The following BICC1 variants were observed in gnomAD, a reference collection of about 807,000 sequenced individuals.
The protein encoded by BICC1 is BicC family RNA binding protein 1.
BICC1 carries 43 observed loss-of-function variants against 111.0 expected under a neutral mutation model. The ratio of observed to expected loss-of-function variants is 0.39; its 90% CI spans 0.30 to 0.50. The LOEUF is 0.50. Ranked by LOEUF, BICC1 falls within the 20% of genes least tolerant of loss-of-function variation. The pLI is 0.88. For missense variants in BICC1, 1,091 were observed against 1,203.2 expected, an observed-to-expected ratio of 0.91 and a Z score of 1.38; for synonymous variants, 467 against 434.4, an observed-to-expected ratio of 1.07 and a Z score of -0.93.
intron 3 of BICC1, among the ~76,000 whole-genome samples, chr10:58,705,314 G>A (rs1254748305): frequency 1.3e-5 from 2 of 152,202 alleles, no homozygotes; most frequent in African/African-American, 4.8e-5. Context: ...CTGAGAAACA[G>A]CAGAGTCCTT....
chr10:58,682,050 A>G (rs1238838624), intron 2 of BICC1, among the ~76,000 whole-genome samples: 17 of 112,200 alleles, frequency 1.5e-4, no homozygotes, highest in Non-Finnish European at 2.5e-4. Flanking sequence ...CTGGTGTGTG[A>G]TGTTCCTCAC....
intron 3 of BICC1, among the ~76,000 whole-genome samples, chr10:58,718,226 G>A (rs1467369024): frequency 6.6e-6 from 1 of 152,162 alleles, no homozygotes; most frequent in Non-Finnish European, 1.5e-5. Flanking sequence ...AGATCAAGGT[G>A]CTGGCAGATT....
chr10:58,827,403 G>C (rs1178069005), intron 20 of BICC1, among the ~76,000 whole-genome samples: 1 of 152,140 alleles, frequency 6.6e-6, no homozygotes, highest in East Asian at 1.9e-4. Context: ...TTACCATAGA[G>C]CCAGTCAAGA....
At chr10:58,601,105 G>T (rs1845009212) in intron 1 of BICC1, among the ~76,000 whole-genome samples, 1 of 134,596 alleles carries the variant, frequency 7.4e-6, no homozygotes, top group Non-Finnish European at 1.6e-5. Flanking sequence ...GGGTATTTAT[G>T]TGTGTACATA....
intron 1 of BICC1, among the ~76,000 whole-genome samples, chr10:58,565,246 A>G (rs1489186921): frequency 2.0e-5 from 3 of 152,250 alleles, no homozygotes; most frequent in Admixed American, 2.0e-4. Flanking sequence ...TAGCCATTAC[A>G]TAATTATTTT....
intron 1 of BICC1, among the ~76,000 whole-genome samples, chr10:58,555,710 C>G (rs1843431875): frequency 6.6e-6 from 1 of 152,064 alleles, no homozygotes; most frequent in Admixed American, 6.6e-5. Flanking sequence ...GATGGCCAAG[C>G]AGGCTTGACT....
At chr10:58,739,467 T>C (rs535259535) in intron 3 of BICC1, among the ~76,000 whole-genome samples, 1 of 152,352 alleles carries the variant, frequency 6.6e-6, no homozygotes, top group South Asian at 2.1e-4. Context: ...TTTGATGTGC[T>C]GCTGTATTCG....
At chr10:58,679,335 TA>T (rs1486720766) in intron 2 of BICC1, among the ~76,000 whole-genome samples, 2 of 151,726 alleles carry the variant, frequency 1.3e-5, no homozygotes, top group African/African-American at 2.4e-5. Flanking sequence ...TAGACAAAAT[TA>T]AAAAAGATAA....
chr10:58,539,473 T>C (rs1842904706), intron 1 of BICC1, among the ~76,000 whole-genome samples: 1 of 151,576 alleles, frequency 6.6e-6, no homozygotes, highest in African/African-American at 2.4e-5. Context: ...AATTCTAGAC[T>C]TCTCCATGGT....
At chr10:58,709,169 A>T (rs1198281618) in intron 3 of BICC1, among the ~76,000 whole-genome samples, 1 of 152,122 alleles carries the variant, frequency 6.6e-6, no homozygotes. Context: ...TCCAATCTAG[A>T]TCTTACCTTT....
chr10:58,570,834 T>C (rs1366575635), intron 1 of BICC1, among the ~76,000 whole-genome samples: 1 of 152,186 alleles, frequency 6.6e-6, no homozygotes, highest in Admixed American at 6.5e-5. Context: ...AATTTAGCAT[T>C]GACACAGCCT....
At chr10:58,558,703 T>C (rs1843523801) in intron 1 of BICC1, among the ~76,000 whole-genome samples, 1 of 152,110 alleles carries the variant, frequency 6.6e-6, no homozygotes, top group Non-Finnish European at 1.5e-5. Context: ...AAAAATTCCC[T>C]AGATTGGGCA....
chr10:58,515,370 C>G (rs183187073), intron 1 of BICC1, among the ~76,000 whole-genome samples: 11 of 152,220 alleles, frequency 7.2e-5, no homozygotes, highest in Admixed American at 2.6e-4. Flanking sequence ...GGTTGTGTAG[C>G]CTGCTACACC....
At chr10:58,556,110 T>G (rs2131932860) in intron 1 of BICC1, among the ~76,000 whole-genome samples, 1 of 152,256 alleles carries the variant, frequency 6.6e-6, no homozygotes, top group South Asian at 2.1e-4. Flanking sequence ...AATTATTAAC[T>G]TAGGGTGATT....
intron 2 of BICC1, among the ~76,000 whole-genome samples, chr10:58,691,071 A>G (rs1839894099): frequency 6.6e-6 from 1 of 152,240 alleles, no homozygotes; most frequent in South Asian, 2.1e-4. Flanking sequence ...TATATCCAAG[A>G]GACCATCACC....
intron 2 of BICC1, among the ~76,000 whole-genome samples, chr10:58,675,728 T>A (rs1839318004): frequency 6.6e-6 from 1 of 152,230 alleles, no homozygotes; most frequent in Non-Finnish European, 1.5e-5. Context: ...ATTGTGATAA[T>A]CATTACAGAA....
At chr10:58,669,936 A>G (rs901228757) in intron 2 of BICC1, among the ~76,000 whole-genome samples, 7 of 152,164 alleles carry the variant, frequency 4.6e-5, no homozygotes, top group Admixed American at 1.3e-4. Context: ...ACATTCATGA[A>G]TTCTTAATAA....
intron 3 of BICC1, among the ~76,000 whole-genome samples, chr10:58,753,527 A>G (rs1260624385): frequency 6.6e-6 from 1 of 152,072 alleles, no homozygotes; most frequent in Non-Finnish European, 1.5e-5. Flanking sequence ...GTATATGATG[A>G]GAGGGATCCA....
chr10:58,684,242 A>G (rs1269007596), intron 2 of BICC1, among the ~76,000 whole-genome samples: 4 of 152,170 alleles, frequency 2.6e-5, no homozygotes, highest in African/African-American at 9.7e-5. Context: ...ATCATGGTGG[A>G]TAATCTTTTT....
Sources: allele counts gnomAD v4.1 joint callset (sites outside exome capture counted in the v4.1 genomes callset), GRCh38; gene constraint gnomAD v4.1.1; transcripts MANE v1.5; gene names NCBI Gene and HGNC (gene_info 2026-07-23, HGNC 2026-07-21).